RBM27: variants seen among roughly 807,000 people sequenced by gnomAD.
The protein encoded by RBM27 is RNA binding motif protein 27, also known as RNA-binding protein 27.
RBM27 carries 22 observed loss-of-function variants against 135.3 expected under a neutral mutation model. The observed-to-expected ratio is 0.16, with a 90% confidence interval of 0.12 to 0.23. The LOEUF (loss-of-function observed/expected upper bound fraction) is 0.23, where lower values mean the gene tolerates loss of function less well. Ranked by LOEUF, RBM27 falls within the 10% of genes least tolerant of loss-of-function variation. RBM27 has a pLI of 1.00. For synonymous variants in RBM27, 481 were observed against 442.4 expected (o/e 1.09, Z -1.10); for missense variants, 1,009 against 1,281.0 (o/e 0.79, Z 3.24).
chr5:146,208,044 C>T (rs763037905), intron 1 of RBM27, among the ~76,000 whole-genome samples: 8 of 141,822 alleles, frequency 5.6e-5, no homozygotes, highest in Non-Finnish European at 9.1e-5. Flanking sequence ...GCAACTTCTG[C>T]CTCCCGGGTT....
chr5:146,231,970 T>TA (rs1436541544), intron 6 of RBM27, among the ~76,000 whole-genome samples: 2 of 152,228 alleles, frequency 1.3e-5, no homozygotes, highest in Non-Finnish European at 2.9e-5. Flanking sequence ...AGAAGTTACT[T>TA]ACAAGTTTGA....
At chr5:146,246,464 A>G (rs1296774427) in intron 8 of RBM27, among the ~76,000 whole-genome samples, 1 of 152,224 alleles carries the variant, frequency 6.6e-6, no homozygotes, top group African/African-American at 2.4e-5. Context: ...CTGAATGAAT[A>G]TAAATTCTGA....
At position 146,223,446 on chromosome 5, in the gene RBM27, T is replaced by C; in HGVS notation, c.222T>C (p.Thr74=). The C allele has an allele frequency of 6.2e-7, 1 of 1,610,184 alleles. No individual in the cohort carries two copies. ...ACAAACTATTTGAAAGTCTCTATAC[T>C]AAGAACTACCTTCCACTTTTGGAAC... is the stretch of plus-strand genomic sequence containing the variant. ...FVDKLFESLY[T]KNYLPLLEPV... The change falls in exon 3 of 21, where the codon ACT becomes ACC. Residue 74 remains threonine (T), a synonymous_variant. Coordinates refer to ENST00000265271, the MANE Select transcript of RBM27 (RefSeq NM_018989.2).
intron 1 of RBM27, among the ~76,000 whole-genome samples, chr5:146,212,390 C>T (rs1202367236): frequency 6.6e-6 from 1 of 152,018 alleles, no homozygotes; most frequent in Non-Finnish European, 1.5e-5. Context: ...GCTCTGTCAC[C>T]CAGGCTGGAG....
At chr5:146,214,959 A>C (rs1048783730) in intron 1 of RBM27, among the ~76,000 whole-genome samples, 2 of 152,222 alleles carry the variant, frequency 1.3e-5, no homozygotes, top group Non-Finnish European at 2.9e-5. Flanking sequence ...TTTTAGCACT[A>C]TCATATCAAA....
intron 19 of RBM27, among the ~76,000 whole-genome samples, chr5:146,273,029 C>T (rs958441663): frequency 3.3e-5 from 5 of 152,028 alleles, no homozygotes; most frequent in African/African-American, 4.8e-5. Flanking sequence ...TTGTGAAGGC[C>T]GCACGAATGT....
rs1757038244 is a variant in RBM27, at chr5:146,233,639, C to T, written c.1040C>T (p.Pro347Leu). ...PGPGPGPGPGPGPGPGPGPGP... is the reference protein window; with the variant it reads ...PGPGPGPGPGLGPGPGPGPGP... ...CCAGGCCCAGGCCCGGGCCCAGGTC[C>T]AGGCCCAGGCCCGGGCCCAGGTCCA... The change falls in exon 7 of 21, where the codon CCA becomes CTA. Residue 347 changes from proline (P) to leucine (L), a missense_variant. Around this residue, in one of 6 missense-constraint regions of RBM27, gnomAD observed 329 missense variants for 368.1 expected, o/e 0.89. Transcript: ENST00000265271. 1 of 1,571,976 alleles carries T rather than the reference C, an allele frequency of 6.4e-7. No individual in the cohort carries two copies. The highest frequency in any genetic ancestry group is 8.6e-7 in the Non-Finnish European group (1 of 1,167,064).
intron 5 of RBM27, 120 bp from the exon 6 acceptor site, chr5:146,230,537 G>C (rs1045847876): frequency 1.9e-6 from 2 of 1,029,794 alleles, no homozygotes; most frequent in African/African-American, 1.6e-5. Flanking sequence ...ATGAAATATG[G>C]ATAGCTAGAT....
rs1757902692 is a variant in RBM27 at position 146,251,886 on chromosome 5, C to T, written c.1444+11C>T. The stretch of plus-strand genomic sequence containing the variant: ...CCCCTCTGGTTCCAGGTAAGCTTTG[C>T]TACAGATGGCCATCCACCTCACTGA... On this transcript the variant is annotated intron_variant, in intron 9 of 20. Coordinates refer to ENST00000265271, the MANE Select transcript of RBM27 (RefSeq NM_018989.2). 6.2e-7 allele frequency: 1 copy of T among 1,611,638 alleles called. No individual in the cohort carries two copies. The highest frequency in any genetic ancestry group is 1.3e-5 in the African/African-American group (1 of 74,870).
Position 146,255,051 on chromosome 5 carries a change from T to C in RBM27, c.1553T>C (p.Leu518Pro). 6.2e-7 allele frequency: 1 copy of C among 1,612,694 alleles called. No individual in the cohort carries two copies. The highest frequency in any genetic ancestry group is 8.5e-7 in the Non-Finnish European group (1 of 1,178,894). Residue 518 changes from leucine (L) to proline (P), a missense_variant, in exon 10 of 21, where the codon CTG becomes CCG. Coordinates refer to ENST00000265271, the MANE Select transcript of RBM27 (RefSeq NM_018989.2). ...FSRTQTQRPN[L>P]IGLTSGDMDV... ...AGAACTCAGACACAGCGTCCCAATC[T>C]GATTGGCCTAACATCTGGAGATATG...
chr5:146,247,353 C>A (rs1267856313), intron 8 of RBM27, among the ~76,000 whole-genome samples: 1 of 152,130 alleles, frequency 6.6e-6, no homozygotes, highest in Non-Finnish European at 1.5e-5. Flanking sequence ...CAGTCCCCCC[C>A]AAAATTTGTA....
At chr5:146,262,862 C>T (rs1230332619) in intron 13 of RBM27, among the ~76,000 whole-genome samples, 1 of 151,780 alleles carries the variant, frequency 6.6e-6, no homozygotes, top group East Asian at 1.9e-4. Flanking sequence ...CAGTTAAGAC[C>T]CCCTAATTCT....
intron 8 of RBM27, among the ~76,000 whole-genome samples, chr5:146,250,340 C>T (rs1356114850): frequency 2.0e-5 from 3 of 149,196 alleles, no homozygotes; most frequent in Non-Finnish European, 4.4e-5. Context: ...ACTCGGGAGG[C>T]TGAGGCAGGA....
intron 8 of RBM27, among the ~76,000 whole-genome samples, chr5:146,248,611 A>G (rs1250270830): frequency 6.6e-6 from 1 of 152,132 alleles, no homozygotes. Flanking sequence ...GATTACAGAC[A>G]TGCACCACTA....
intron 9 of RBM27, among the ~76,000 whole-genome samples, chr5:146,252,938 A>G (rs1347556022): frequency 6.6e-6 from 1 of 152,192 alleles, no homozygotes; most frequent in Non-Finnish European, 1.5e-5. Flanking sequence ...TTGGCGGATA[A>G]CTATAATCAT....
chr5:146,272,347 A>G (rs1460260625), intron 19 of RBM27, among the ~76,000 whole-genome samples: 1 of 152,248 alleles, frequency 6.6e-6, no homozygotes, highest in African/African-American at 2.4e-5. Context: ...TATAATTAAT[A>G]AGTAGTGGAA....
chr5:146,261,483 A>G lies in RBM27; in HGVS notation c.1894-27A>G. 4 of 1,580,748 alleles carry G rather than the reference A, an allele frequency of 2.5e-6. No homozygotes were observed. In the East Asian group the frequency reaches 9.0e-5, roughly 35 times the overall value. On this transcript the variant is annotated intron_variant, in intron 12 of 20. Coordinates refer to ENST00000265271, the MANE Select transcript of RBM27 (RefSeq NM_018989.2). ...TATTTAACTATTTTCTGTTTTTGGG[A>G]ATTTATATTGTTTTATTTTCTTCAA...
chr5:146,218,910 G>T, intron 1 of RBM27, 75 bp from the exon 2 acceptor site: 1 of 863,010 alleles, frequency 1.2e-6, no homozygotes, highest in Non-Finnish European at 1.8e-6. Flanking sequence ...CCAAAATAAG[G>T]GTGACTTCAT....
At chr5:146,206,303 GT>G (rs761175102) in intron 1 of RBM27, among the ~76,000 whole-genome samples, 3,651 of 89,828 alleles carry the variant, frequency 0.041, 174 homozygotes, top group African/African-American at 0.13. Context: ...TTCGTTTTTT[GT>G]TTTTTTTTTT....
Sources: gnomAD v4.1 joint callset for allele counts (sites outside exome capture counted in the v4.1 genomes callset) on GRCh38, gnomAD v4.1.1 for gene constraint, gnomAD v4.1.1 regional missense constraint, MANE v1.5 for transcripts, NCBI Gene and HGNC (gene_info 2026-07-23, HGNC 2026-07-21) for gene names.